SLC16A2: variants seen among roughly 807,000 people sequenced by gnomAD.
SLC16A2 encodes the protein monocarboxylate transporter 8.
A neutral mutation model predicts 27.2 loss-of-function variants in SLC16A2; 3 were observed. That is an observed-to-expected ratio of 0.11 (90% CI 0.05 to 0.28). The LOEUF is 0.28. SLC16A2 is among the 10% of genes least tolerant of loss of function. The pLI, the probability that SLC16A2 is intolerant of heterozygous loss-of-function variation, is 1.00. For synonymous variants in SLC16A2, 202 were observed against 187.8 expected, an observed-to-expected ratio of 1.08 and a Z score of -0.62; for missense variants, 295 against 458.5, an observed-to-expected ratio of 0.64 and a Z score of 3.26.
At chrX:74,473,464 CTT>C in intron 1 of SLC16A2, 2 of 544,192 alleles carry the variant, frequency 3.7e-6, no homozygotes, top group South Asian at 4.8e-5. Flanking sequence ...GAATGACAGT[CTT>C]ATCCATGGAG....
chrX:74,465,799 A>T, intron 1 of SLC16A2, among the ~76,000 whole-genome samples: 1 of 110,956 alleles, frequency 9.0e-6, no homozygotes, highest in East Asian at 2.8e-4. Context: ...CCTGTGAGGG[A>T]GGGGACAGAA....
At chrX:74,528,009 G>T (rs768491122) in intron 4 of SLC16A2, among the ~76,000 whole-genome samples, 3 of 111,975 alleles carry the variant, frequency 2.7e-5, no homozygotes, top group African/African-American at 9.7e-5. Context: ...TCCTCAGATG[G>T]CATTATCCTC....
intron 1 of SLC16A2, among the ~76,000 whole-genome samples, chrX:74,506,692 G>A (rs984129065): frequency 9.1e-6 from 1 of 110,402 alleles, no homozygotes; most frequent in Non-Finnish European, 1.9e-5. Flanking sequence ...AGCCCCAGGG[G>A]AGAGACTCAG....
At chrX:74,426,564 C>G (rs370171471) in intron 1 of SLC16A2, among the ~76,000 whole-genome samples, 4 of 112,034 alleles carry the variant, frequency 3.6e-5, no homozygotes, top group African/African-American at 1.3e-4. Context: ...GTGATACCAG[C>G]TAGGCAGTAA....
chrX:74,506,937 A>ATT (rs34001854), intron 1 of SLC16A2, among the ~76,000 whole-genome samples: 9 of 84,052 alleles, frequency 1.1e-4, no homozygotes, highest in African/African-American at 4.2e-4. Flanking sequence ...TTATTTATTT[A>ATT]TTTTTTTTTT....
At chrX:74,514,633 C>T (rs1439369126) in intron 1 of SLC16A2, among the ~76,000 whole-genome samples, 2 of 111,856 alleles carry the variant, frequency 1.8e-5, no homozygotes, top group East Asian at 5.6e-4. Context: ...ACCACCTCTC[C>T]TACTCCTGGC....
At chrX:74,512,888 G>A (rs1199164471) in intron 1 of SLC16A2, among the ~76,000 whole-genome samples, 1 of 111,413 alleles carries the variant, frequency 9.0e-6, no homozygotes, top group African/African-American at 3.3e-5. Flanking sequence ...AGATATGGGT[G>A]CTTTGAGGAG....
At chrX:74,441,686 C>T (rs1265501312) in intron 1 of SLC16A2, among the ~76,000 whole-genome samples, 1 of 111,542 alleles carries the variant, frequency 9.0e-6, no homozygotes, top group Admixed American at 9.5e-5. Flanking sequence ...ACCTCTCCAA[C>T]CCCACCACCT....
chrX:74,521,971 G>A (rs1930414946), intron 2 of SLC16A2, among the ~76,000 whole-genome samples: 1 of 111,934 alleles, frequency 8.9e-6, no homozygotes, highest in Non-Finnish European at 1.9e-5. Flanking sequence ...TAGGGTAAGG[G>A]AGAATAAATA....
At chrX:74,520,490 A>G (rs977375068) in intron 1 of SLC16A2, among the ~76,000 whole-genome samples, 6 of 111,668 alleles carry the variant, frequency 5.4e-5, no homozygotes, top group African/African-American at 2.0e-4. Context: ...ATGGGCTCTG[A>G]TGACGGATTT....
At chrX:74,463,345 A>G (rs1301539449) in intron 1 of SLC16A2, among the ~76,000 whole-genome samples, 1 of 111,876 alleles carries the variant, frequency 8.9e-6, no homozygotes, top group Non-Finnish European at 1.9e-5. Context: ...GTAAGAATGT[A>G]GTTTTTATAG....
rs1221405086 is a variant in SLC16A2 at position 74,422,329 on chromosome X, G to T, written c.430+262G>T. Among the ~76,000 whole-genome samples the T allele has an allele frequency of 2.7e-5, 3 of 112,068 alleles. No homozygotes were observed. In the Admixed American group the frequency reaches 2.8e-4, roughly 11 times the overall value. On this transcript the variant is annotated intron_variant, in intron 1 of 5. Coordinates refer to ENST00000587091, the MANE Select transcript of SLC16A2 (RefSeq NM_006517.5). ...TGGGACATTCATTGATCCTTGGCAAGCAATGGACTTTTTTTTGCCCTGGGA... is the reference window on the plus strand; with the variant it reads ...TGGGACATTCATTGATCCTTGGCAATCAATGGACTTTTTTTTGCCCTGGGA...
chrX:74,485,490 C>A (rs959006783), intron 1 of SLC16A2, among the ~76,000 whole-genome samples: 18 of 109,865 alleles, frequency 1.6e-4, no homozygotes, highest in African/African-American at 6.0e-4. Context: ...CTAATGTTAC[C>A]AGGGGATCTT....
chrX:74,434,223 TAA>T (rs1045149740), intron 1 of SLC16A2, among the ~76,000 whole-genome samples: 1 of 110,535 alleles, frequency 9.0e-6, no homozygotes, highest in African/African-American at 3.3e-5. Context: ...GCTAAGTAGT[TAA>T]AAAAAAAGTG....
chrX:74,530,379 C>T (rs1295283502), intron 5 of SLC16A2, among the ~76,000 whole-genome samples: 2 of 111,863 alleles, frequency 1.8e-5, no homozygotes, highest in African/African-American at 3.3e-5. Context: ...GGATTACAGG[C>T]GTGAGCCACC....
Position 74,436,216 on chromosome X carries a change from TGC to T in SLC16A2, c.430+14152_430+14153del, listed in dbSNP as rs1236059913. On this transcript the variant is annotated intron_variant, in intron 1 of 5. Coordinates refer to ENST00000587091, the MANE Select transcript of SLC16A2 (RefSeq NM_006517.5). ...GTGTGTACGTGTGTGTGTGTGTGTG[TGC>T]GCATGCGTGCAAGTGAGCAAGAATT... Among the ~76,000 whole-genome samples the T allele has an allele frequency of 4.8e-5, 5 of 105,237 alleles. No homozygotes were observed. The East Asian group carries it at 9.9e-4, about 21-fold the overall frequency. 91.4% of individuals were successfully genotyped at this position (105,237 alleles called of 115,157 possible).
rs184401758 is a variant in SLC16A2, at chrX:74,493,378, C to T, written c.431-27612C>T. On this transcript the variant is annotated intron_variant, in intron 1 of 5. Coordinates refer to ENST00000587091, the MANE Select transcript of SLC16A2 (RefSeq NM_006517.5). ...TCCCTCCTAGAGATCAGGAAACTGA[C>T]AGTCAGGACAGGCTTGGGCCCACAC... Among the ~76,000 whole-genome samples the T allele has an allele frequency of 5.3e-5, 6 of 112,235 alleles. No homozygotes were observed. In the East Asian group the frequency reaches 1.4e-3, roughly 27 times the overall value.
At chrX:74,447,451 T>A in intron 1 of SLC16A2, among the ~76,000 whole-genome samples, 1 of 110,573 alleles carries the variant, frequency 9.0e-6, no homozygotes, top group East Asian at 2.9e-4. Flanking sequence ...GGTGGGAGGA[T>A]CACTTGAGGC....
chrX:74,441,814 C>G (rs1928753235), intron 1 of SLC16A2, among the ~76,000 whole-genome samples: 1 of 111,354 alleles, frequency 9.0e-6, no homozygotes, highest in South Asian at 3.8e-4. Context: ...CAATAAGAGA[C>G]AGGAAAGCCT....
Sources: allele counts gnomAD v4.1 joint callset (sites outside exome capture counted in the v4.1 genomes callset), GRCh38; gene constraint gnomAD v4.1.1; transcripts MANE v1.5; gene names NCBI Gene and HGNC (gene_info 2026-07-23, HGNC 2026-07-21).